FAM162B: variants seen among roughly 807,000 people sequenced by gnomAD.
FAM162B encodes the protein family with sequence similarity 162 member B.
A neutral mutation model predicts 20.0 loss-of-function variants in FAM162B; 16 were observed. The observed-to-expected ratio is 0.80, with a 90% CI of 0.54 to 1.21. FAM162B has a LOEUF of 1.21. Among genes scored for constraint, FAM162B ranks in the 50% most tolerant of loss-of-function variants. The pLI is 0.00. For missense variants in FAM162B, 260 were observed against 227.5 expected, an observed-to-expected ratio of 1.14 and a Z score of -0.92; for synonymous variants, 83 against 89.7, an observed-to-expected ratio of 0.93 and a Z score of 0.42.
At chr6:116,763,922 A>G (rs1771855258) in intron 2 of FAM162B, among the ~76,000 whole-genome samples, 1 of 152,186 alleles carries the variant, frequency 6.6e-6, no homozygotes, top group African/African-American at 2.4e-5. Context: ...TGGAGTCTAT[A>G]GATCTCGAGG....
chr6:116,758,835 C>T, intron 3 of FAM162B, among the ~76,000 whole-genome samples: 1 of 152,066 alleles, frequency 6.6e-6, no homozygotes, highest in East Asian at 1.9e-4. Context: ...TATTAAATCC[C>T]TATGTAGTGG....
In FAM162B at chr6:116,765,250, T is replaced by C. The variant is rs745964030; in HGVS notation, c.178A>G (p.Ile60Val). 3.1e-6 allele frequency: 5 copies of C among 1,613,486 alleles called. No individual in the cohort carries two copies. The highest frequency in any genetic ancestry group is 4.2e-6 in the Non-Finnish European group (5 of 1,179,850). ...CTGCGCTGCGTGGGGACTCGGTGAA[T>C]CTCCCCTGCAGCGAAAGCAACCCAG... ...SNSGPQGHGE[I>V]HRVPTQRRPS... is the part of the protein sequence containing the mutation. The change falls in exon 2 of 4, where the codon ATT becomes GTT. Residue 60 changes from isoleucine to valine, a missense_variant. Transcript: ENST00000368557.
chr6:116,764,606 C>A (rs1771868142), intron 2 of FAM162B, among the ~76,000 whole-genome samples: 2 of 152,076 alleles, frequency 1.3e-5, no homozygotes, highest in Non-Finnish European at 2.9e-5. Context: ...AAACCCGGAG[C>A]CTAGAGGGCT....
rs10556522 is a variant in FAM162B, at chr6:116,752,711, AATAT to A, written c.391-20_391-17del. The A allele has an allele frequency of 0.37, 179,493 of 478,702 alleles. 24,923 individuals carry two copies. Among genetic ancestry groups the A allele is most frequent in the Middle Eastern group, 0.42 (634 of 1,512 alleles). 29.7% of individuals were successfully genotyped at this position (478,702 alleles called of 1,614,324 possible). ...GTTCTACAGCCTGTGGGGGGGAAGA[AATAT>A]ATATATATATATATATATAGATACA... is the stretch of plus-strand genomic sequence containing the variant. On this transcript the variant is annotated splice_polypyrimidine_tract_variant and intron_variant, in intron 3 of 3. Transcript: ENST00000368557.
chr6:116,765,352 C>G, intron 1 of FAM162B, 53 bp downstream of exon 1: 1 of 1,522,720 alleles, frequency 6.6e-7, no homozygotes, highest in East Asian at 2.4e-5. Flanking sequence ...CCCCTCGCTG[C>G]CCTCCCGCAA....
At position 116,761,970 on chromosome 6, in the gene FAM162B, TACTC is replaced by T. The variant is rs1282232705; in HGVS notation, c.390+3_390+6del. On this transcript the variant is annotated splice_donor_5th_base_variant and intron_variant, in intron 3 of 3. Coordinates refer to ENST00000368557, the MANE Select transcript of FAM162B (RefSeq NM_001085480.3). ...TAACTGACTTGCCCTTTTAAGGAGA[TACTC>T]ACCCTTTTGGCTGACACTATCACAG... The T allele has an allele frequency of 2.5e-6, 4 of 1,581,704 alleles. No individual in the cohort carries two copies. Among genetic ancestry groups the T allele is most frequent in the Non-Finnish European group, 3.5e-6 (4 of 1,155,892 alleles).
At chr6:116,764,282 C>T (rs1288382490) in intron 2 of FAM162B, among the ~76,000 whole-genome samples, 1 of 152,052 alleles carries the variant, frequency 6.6e-6, no homozygotes, top group Non-Finnish European at 1.5e-5. Context: ...CCTTCTTTCA[C>T]GTTATGGTTT....
In FAM162B at chr6:116,752,654, T is replaced by C. The variant is rs1428388312; in HGVS notation, c.432A>G (p.Ala144=). The C allele has an allele frequency of 1.3e-6, 2 of 1,592,080 alleles. No homozygotes were observed. Among genetic ancestry groups the C allele is most frequent in the Admixed American group, 3.4e-5 (2 of 59,392 alleles). ...RHESLTSWNL[A]KKAKWREEAA... ...CTTCTTCACGCCACTTAGCTTTCTTTGCCAAGTTCCAACTTGTTAAGGATT... is the reference window on the plus strand; with the variant it reads ...CTTCTTCACGCCACTTAGCTTTCTTCGCCAAGTTCCAACTTGTTAAGGATT... Residue 144 remains alanine (A), a synonymous_variant, in exon 4 of 4, where the codon GCA becomes GCG. Transcript: ENST00000368557.
At chr6:116,760,232 A>T (rs1292730693) in intron 3 of FAM162B, among the ~76,000 whole-genome samples, 1 of 152,226 alleles carries the variant, frequency 6.6e-6, no homozygotes, top group African/African-American at 2.4e-5. Flanking sequence ...CTGGTGCTAC[A>T]CATAAAACTC....
chr6:116,760,372 G>A (rs1223941799), intron 3 of FAM162B, among the ~76,000 whole-genome samples: 1 of 152,156 alleles, frequency 6.6e-6, no homozygotes, highest in African/African-American at 2.4e-5. Context: ...CAAATCATAT[G>A]TGTTGAAAAT....
At chr6:116,761,300 T>C (rs1780137930) in intron 3 of FAM162B, among the ~76,000 whole-genome samples, 1 of 151,998 alleles carries the variant, frequency 6.6e-6, no homozygotes, top group African/African-American at 2.4e-5. Flanking sequence ...ACAGAAACCA[T>C]ACATTGAGAA....
In FAM162B at chr6:116,765,412, T is replaced by C. The variant is rs769276815; in HGVS notation, c.165A>G (p.Gln55=). 1.4e-6 allele frequency: 2 copies of C among 1,458,696 alleles called. No individual in the cohort carries two copies. The highest frequency in any genetic ancestry group is 1.4e-5 in the African/African-American group (1 of 69,932). 90.4% of individuals were successfully genotyped at this position (1,458,696 alleles called of 1,614,324 possible). Residue 55 remains glutamine (Q), a synonymous_variant, in exon 1 of 4, where the codon CAA becomes CAG. Transcript: ENST00000368557. ...GTCGGAGCCCTGGCTCACCGTGACC[T>C]TGGGGCCCAGAATTGCTGGGGGCCC... is the stretch of plus-strand genomic sequence containing the variant. ...SGGAPSNSGP[Q]GHGEIHRVPT...
In FAM162B at chr6:116,765,462, C is replaced by A; in HGVS notation, c.115G>T (p.Gly39Cys). ...CCGCCGCTGGAGTAGCAGGGGAGAC[C>A]CCGGGGCGGAAGAGCCGGTGCGGGC... ...RRPAPALPPR[G>C]LPCYSSGGAP... Residue 39 changes from glycine (G) to cysteine (C), a missense_variant, in exon 1 of 4, where the codon GGT becomes TGT. Gly to Cys is a radical substitution (Grantham distance 159). Coordinates refer to ENST00000368557, the MANE Select transcript of FAM162B (RefSeq NM_001085480.3). The A allele has an allele frequency of 7.0e-7, 1 of 1,427,868 alleles. No individual in the cohort carries two copies. The highest frequency in any genetic ancestry group is 2.7e-5 in the East Asian group (1 of 37,552). The allele number at this position is 1,427,868 out of a possible 1,614,324, so 88.4% of individuals were successfully genotyped here.
At position 116,753,521 on chromosome 6, in the gene FAM162B, A is replaced by C. The variant is rs185177432; in HGVS notation, c.391-826T>G. Reference sequence around the variant, plus strand: ...TATCCACGAGCAGCTAGAAAGATAGAGTTGACATCAACTGAGAGGAGGAAA... The same window carrying C: ...TATCCACGAGCAGCTAGAAAGATAGCGTTGACATCAACTGAGAGGAGGAAA... On this transcript the variant is annotated intron_variant, in intron 3 of 3. Coordinates refer to ENST00000368557, the MANE Select transcript of FAM162B (RefSeq NM_001085480.3). Among the ~76,000 whole-genome samples the C allele has an allele frequency of 2.7e-3, 416 of 152,262 alleles. 2 individuals are homozygous for C. The highest frequency in any genetic ancestry group is 3.4e-3 in the Middle Eastern group (1 of 294).
chr6:116,763,294 A>G (rs1771835296), intron 2 of FAM162B, among the ~76,000 whole-genome samples: 1 of 152,180 alleles, frequency 6.6e-6, no homozygotes, highest in Non-Finnish European at 1.5e-5. Context: ...TGAGAAAAAC[A>G]AGACAAAGTA....
At position 116,763,040 on chromosome 6, in the gene FAM162B, AC is replaced by A. The variant is rs138076647; in HGVS notation, c.282-956del. Among the ~76,000 whole-genome samples the A allele has an allele frequency of 7.6e-3, 1,156 of 152,160 alleles. 8 individuals carry two copies. The highest frequency in any genetic ancestry group is 0.012 in the Non-Finnish European group (836 of 67,922). ...TTGCATTTTCTCTTAAAAACAGAAA[AC>A]TTTTTAAATTTTCCACTGGTTAAAA... On this transcript the variant is annotated intron_variant, in intron 2 of 3. Transcript: ENST00000368557.
At chr6:116,756,587 A>G (rs2114548189) in intron 3 of FAM162B, among the ~76,000 whole-genome samples, 1 of 152,358 alleles carries the variant, frequency 6.6e-6, no homozygotes, top group South Asian at 2.1e-4. Flanking sequence ...AAGAAGTTCT[A>G]CTGTGAGGAA....
chr6:116,754,978 A>T (rs532287840), intron 3 of FAM162B, among the ~76,000 whole-genome samples: 165 of 152,012 alleles, frequency 1.1e-3, no homozygotes, highest in Non-Finnish European at 1.9e-3. Flanking sequence ...CACTCCATCC[A>T]CTGGCCAGTC....
chr6:116,754,891 T>C (rs563451163), intron 3 of FAM162B, among the ~76,000 whole-genome samples: 1 of 152,326 alleles, frequency 6.6e-6, no homozygotes, highest in African/African-American at 2.4e-5. Flanking sequence ...GTTGTTACTA[T>C]TGTACTTATT....
Sources: gnomAD v4.1 joint callset for allele counts (sites outside exome capture counted in the v4.1 genomes callset) on GRCh38, gnomAD v4.1.1 for gene constraint, MANE v1.5 for transcripts, NCBI Gene and HGNC (gene_info 2026-07-23, HGNC 2026-07-21) for gene names.